Variants in ADCY8 observed in about 807,000 individuals in gnomAD.
ADCY8 encodes the protein adenylate cyclase type 8.
A neutral mutation model predicts 119.7 loss-of-function variants in ADCY8; 51 were observed. That is an observed-to-expected ratio of 0.43 (90% CI 0.34 to 0.54). The LOEUF (loss-of-function observed/expected upper bound fraction) is 0.54, where lower values mean the gene tolerates loss of function less well. Among genes scored for constraint, ADCY8 ranks in the 20% least tolerant of loss-of-function variants. The probability of loss-of-function intolerance (pLI) is 0.03; values close to 1 mark genes in which losing one functional copy is unlikely to be tolerated. For missense variants in ADCY8, 1,383 were observed against 1,598.8 expected (o/e 0.87, Z 2.30); for synonymous variants, 665 against 651.0 (o/e 1.02, Z -0.33).
At chr8:130,947,176 T>G (rs921472549) in intron 3 of ADCY8, among the ~76,000 whole-genome samples, 1 of 152,192 alleles carries the variant, frequency 6.6e-6, no homozygotes, top group Non-Finnish European at 1.5e-5. Flanking sequence ...TAATAGTCAC[T>G]CTTCAAATAG....
intron 12 of ADCY8, among the ~76,000 whole-genome samples, chr8:130,822,019 A>G (rs1485452984): frequency 2.0e-5 from 3 of 152,242 alleles, no homozygotes; most frequent in Non-Finnish European, 4.4e-5. Context: ...AGAGAAGCAC[A>G]TAATTATTGA....
chr8:130,829,066 T>G (rs950076733), intron 12 of ADCY8, among the ~76,000 whole-genome samples: 1 of 152,156 alleles, frequency 6.6e-6, no homozygotes, highest in Non-Finnish European at 1.5e-5. Flanking sequence ...GCACTAGAGT[T>G]GCATGGGTGA....
intron 2 of ADCY8, among the ~76,000 whole-genome samples, chr8:130,953,889 G>T (rs961349615): frequency 2.2e-4 from 33 of 152,180 alleles, no homozygotes; most frequent in African/African-American, 7.7e-4. Flanking sequence ...GGACTAAGAG[G>T]CATGCTTTCT....
chr8:130,841,111 A>G (rs867205679), intron 11 of ADCY8, among the ~76,000 whole-genome samples: 1 of 152,084 alleles, frequency 6.6e-6, no homozygotes, highest in Non-Finnish European at 1.5e-5. Context: ...TGGTGGAGGG[A>G]CCAGCTGGGT....
At chr8:130,854,153 T>G (rs922251198) in intron 9 of ADCY8, among the ~76,000 whole-genome samples, 5 of 152,220 alleles carry the variant, frequency 3.3e-5, no homozygotes, top group African/African-American at 7.2e-5. Context: ...TTTCTTTACA[T>G]GTAAACATTA....
At chr8:130,948,056 C>G (rs558451262) in intron 3 of ADCY8, among the ~76,000 whole-genome samples, 12 of 152,286 alleles carry the variant, frequency 7.9e-5, no homozygotes, top group African/African-American at 2.6e-4. Context: ...ACTCTGCTTC[C>G]CCTTCCAATA....
chr8:131,021,264 G>T (rs1275603034), intron 1 of ADCY8, among the ~76,000 whole-genome samples: 1 of 152,050 alleles, frequency 6.6e-6, no homozygotes, highest in Admixed American at 6.6e-5. Flanking sequence ...TATCATCAGC[G>T]TTCTTGGATT....
chr8:130,797,908 A>T (rs1297885318), intron 15 of ADCY8, among the ~76,000 whole-genome samples: 1 of 152,216 alleles, frequency 6.6e-6, no homozygotes, highest in East Asian at 1.9e-4. Context: ...GGTAAGTGAG[A>T]AACAGTGCAA....
chr8:130,908,175 C>T (rs1370395029), intron 6 of ADCY8, among the ~76,000 whole-genome samples: 1 of 152,202 alleles, frequency 6.6e-6, no homozygotes, highest in Non-Finnish European at 1.5e-5. Flanking sequence ...GCTAAACTGG[C>T]TTCCAGATAT....
chr8:130,992,407 A>G (rs1418847141), intron 1 of ADCY8, among the ~76,000 whole-genome samples: 5 of 32,518 alleles, frequency 1.5e-4, no homozygotes, highest in African/African-American at 6.2e-4. Context: ...ATATATATAT[A>G]TATATATATA....
At chr8:130,915,931 G>A (rs1044449450) in intron 5 of ADCY8, among the ~76,000 whole-genome samples, 1 of 152,096 alleles carries the variant, frequency 6.6e-6, no homozygotes, top group Non-Finnish European at 1.5e-5. Flanking sequence ...TGGAAAAAAC[G>A]GTGCCCTTGA....
At chr8:130,828,351 G>A (rs541498053) in intron 12 of ADCY8, among the ~76,000 whole-genome samples, 62 of 152,342 alleles carry the variant, frequency 4.1e-4, no homozygotes, top group African/African-American at 1.5e-3. Flanking sequence ...CCCACAGTGA[G>A]TGTCTCTCTC....
Position 130,820,449 on chromosome 8 carries a change from G to A in ADCY8, c.2754+893C>T, listed in dbSNP as rs749671889. On this transcript the variant is annotated intron_variant, in intron 13 of 17. Transcript: ENST00000286355. ...CCAAGATCCAGAGAAGGGTAGTGAG[G>A]GAGGCAGTGCCTGATTTCTACCAGG... 9.4e-4 allele frequency among the ~76,000 whole-genome samples: 143 copies of A among 152,278 alleles called. 1 individual carries two copies. The highest frequency in any genetic ancestry group is 1.7e-3 in the Non-Finnish European group (114 of 68,014).
At position 130,879,643 on chromosome 8, in the gene ADCY8, A is replaced by C. The variant is rs1371972913; in HGVS notation, c.2109+4921T>G. 7.9e-5 allele frequency among the ~76,000 whole-genome samples: 12 copies of C among 152,310 alleles called. No homozygotes were observed. The East Asian group carries it at 2.3e-3, about 29-fold the overall frequency. On this transcript the variant is annotated intron_variant, in intron 8 of 17. Coordinates refer to ENST00000286355, the MANE Select transcript of ADCY8 (RefSeq NM_001115.3). ...AAAAGTGCATAATTTAACTATGAGA[A>C]TAGTCATTACAACATAATTTGTAAT... is the stretch of plus-strand genomic sequence containing the variant.
At chr8:130,901,242 CTT>C (rs34424673) in intron 7 of ADCY8, among the ~76,000 whole-genome samples, 9 of 115,568 alleles carry the variant, frequency 7.8e-5, no homozygotes, top group Admixed American at 9.6e-5. Flanking sequence ...CATCCCTCCT[CTT>C]TTTTTTTTTT....
intron 2 of ADCY8, among the ~76,000 whole-genome samples, chr8:130,957,400 C>T (rs1423863402): frequency 6.6e-6 from 1 of 152,164 alleles, no homozygotes; most frequent in South Asian, 2.1e-4. Flanking sequence ...CAAGAGATGA[C>T]TTGGGTGCTG....
At chr8:130,950,834 G>A (rs1054547595) in intron 3 of ADCY8, among the ~76,000 whole-genome samples, 68 of 152,106 alleles carry the variant, frequency 4.5e-4, no homozygotes, top group Non-Finnish European at 6.0e-4. Context: ...TGAGTAGCTG[G>A]GACTACAGGC....
chr8:130,930,169 A>C lies in ADCY8; in HGVS notation c.1481+6904T>G, dbSNP rs1020610356. Reference sequence around the variant, plus strand: ...TAATTGTTTTCTAGTTGTTTTGTAGATCTTGTGTTACTTCTTCCTTTCCTT... The same window carrying C: ...TAATTGTTTTCTAGTTGTTTTGTAGCTCTTGTGTTACTTCTTCCTTTCCTT... On this transcript the variant is annotated intron_variant, in intron 5 of 17. Transcript: ENST00000286355. Among the ~76,000 whole-genome samples, 4 of 151,830 alleles carry C rather than the reference A, an allele frequency of 2.6e-5. 1 individual carries two copies. The highest frequency in any genetic ancestry group is 9.7e-5 in the African/African-American group (4 of 41,312).
chr8:130,870,598 T>G (rs937686752), intron 8 of ADCY8, among the ~76,000 whole-genome samples: 2 of 152,154 alleles, frequency 1.3e-5, no homozygotes, highest in Non-Finnish European at 2.9e-5. Flanking sequence ...GCCTGAGAGC[T>G]CATTGCTTTG....
Sources: gnomAD v4.1 joint callset for allele counts (sites outside exome capture counted in the v4.1 genomes callset) on GRCh38, gnomAD v4.1.1 for gene constraint, MANE v1.5 for transcripts, NCBI Gene and HGNC (gene_info 2026-07-23, HGNC 2026-07-21) for gene names.